Variants in DLGAP1 observed in about 807,000 individuals in gnomAD.
DLGAP1 encodes the protein disks large-associated protein 1.
In DLGAP1, 11 loss-of-function variants were observed where a neutral mutation model predicts 90.8. The ratio of observed to expected loss-of-function variants is 0.12; its 90% CI spans 0.08 to 0.20. The LOEUF (loss-of-function observed/expected upper bound fraction) is 0.20, where lower values mean the gene tolerates loss of function less well. Among genes scored for constraint, DLGAP1 ranks in the 10% least tolerant of loss-of-function variants. DLGAP1 has a pLI of 1.00. For synonymous variants in DLGAP1, 558 were observed against 540.7 expected (o/e 1.03, Z -0.44); for missense variants, 1,050 against 1,333.8 (o/e 0.79, Z 3.31).
Position 3,499,357 on chromosome 18 carries a change from G to C in DLGAP1, c.2762C>G (p.Ala921Gly). The stretch of plus-strand genomic sequence containing the variant: ...CCGGATCAGCGGCGCGGGGCCCTTC[G>C]CCGGCTTCTTTGGCACTGGAGGAGG... ...RAPPPVPKKP[A>G]KGPAPLIRER... The change falls in exon 13 of 13, where the codon GCG becomes GGG. Residue 921 changes from alanine (A) to glycine (G), a missense_variant. This residue lies in a region of DLGAP1 where 565 missense variants were observed against 879.7 expected (regional missense o/e 0.64). Transcript: ENST00000315677. The surrounding 1 kb of genome is among the most constrained non-coding windows in gnomAD (Gnocchi z 6.4). 1.3e-6 allele frequency: 2 copies of C among 1,552,508 alleles called. No homozygotes were observed. Among genetic ancestry groups the C allele is most frequent in the Non-Finnish European group, 8.7e-7 (1 of 1,148,672 alleles).
chr18:4,361,626 T>A (rs1236065830), intron 1 of DLGAP1, among the ~76,000 whole-genome samples: 3 of 152,168 alleles, frequency 2.0e-5, no homozygotes, highest in South Asian at 4.1e-4. Context: ...AAGATGTAAA[T>A]GTAAGATCTA....
At chr18:4,258,389 A>T (rs2078939240) in intron 1 of DLGAP1, among the ~76,000 whole-genome samples, 1 of 152,132 alleles carries the variant, frequency 6.6e-6, no homozygotes, top group African/African-American at 2.4e-5. Flanking sequence ...CCTCTTGATG[A>T]ATGCCCATTC....
In DLGAP1 at chr18:3,502,243, T is replaced by C; in HGVS notation, c.2724+250A>G. On this transcript the variant is annotated intron_variant, in intron 12 of 12. Coordinates refer to ENST00000315677, the MANE Select transcript of DLGAP1 (RefSeq NM_004746.4). ...TAAAATGGTTTAACTTAAAGTTTAATTAACAAAAAAAGCCACATTCCCATT... is the reference window on the plus strand; with the variant it reads ...TAAAATGGTTTAACTTAAAGTTTAACTAACAAAAAAAGCCACATTCCCATT... 5 of 1,356,358 alleles carry C rather than the reference T, an allele frequency of 3.7e-6. No individual in the cohort carries two copies. In the East Asian group the frequency reaches 1.4e-4, roughly 38 times the overall value. The allele number at this position is 1,356,358 out of a possible 1,614,324, so 84.0% of individuals were successfully genotyped here.
intron 2 of DLGAP1, among the ~76,000 whole-genome samples, chr18:4,057,679 T>TC (rs1568373184): frequency 2.0e-5 from 3 of 152,208 alleles, no homozygotes; most frequent in African/African-American, 7.2e-5. Context: ...GTCTCTCTCT[T>TC]TCTCTCTCTG....
Position 3,857,384 on chromosome 18 carries a change from T to C in DLGAP1, c.957+21728A>G, listed in dbSNP as rs564828505. Among the ~76,000 whole-genome samples the C allele has an allele frequency of 2.0e-5, 3 of 152,312 alleles. No individual in the cohort carries two copies. In the South Asian group the frequency reaches 6.2e-4, roughly 32 times the overall value. ...ATATTCTAGCCATGGTGTATTTACA[T>C]ACTATAATAACAATACATATTTTCA... On this transcript the variant is annotated intron_variant, in intron 4 of 12. Coordinates refer to ENST00000315677, the MANE Select transcript of DLGAP1 (RefSeq NM_004746.4).
intron 7 of DLGAP1, among the ~76,000 whole-genome samples, chr18:3,633,714 T>C (rs2146213276): frequency 6.6e-6 from 1 of 152,356 alleles, no homozygotes; most frequent in East Asian, 1.9e-4. Context: ...CTAAAAGCTA[T>C]AGATACTTTT....
chr18:3,574,908 G>A (rs1168395206), intron 8 of DLGAP1, among the ~76,000 whole-genome samples: 3 of 150,786 alleles, frequency 2.0e-5, no homozygotes, highest in East Asian at 2.0e-4. Flanking sequence ...TCCACCTCCC[G>A]GGTTCACGCC....
chr18:4,265,106 C>A (rs957012018), intron 1 of DLGAP1, among the ~76,000 whole-genome samples: 2 of 122,126 alleles, frequency 1.6e-5, no homozygotes, highest in Non-Finnish European at 3.7e-5. Flanking sequence ...TGTAATTTTT[C>A]CTTCCTTCCT....
At chr18:4,055,397 G>T (rs1164736372) in intron 2 of DLGAP1, among the ~76,000 whole-genome samples, 4 of 152,218 alleles carry the variant, frequency 2.6e-5, no homozygotes, top group African/African-American at 9.6e-5. Context: ...GATAAGCACA[G>T]AACCTGATAG....
intron 1 of DLGAP1, among the ~76,000 whole-genome samples, chr18:4,373,985 A>G (rs1446981097): frequency 1.3e-5 from 2 of 152,232 alleles, no homozygotes; most frequent in East Asian, 1.9e-4. Context: ...ATTTAACAAT[A>G]TAATTCAAGG....
chr18:4,111,832 T>A (rs1007566749), intron 2 of DLGAP1, among the ~76,000 whole-genome samples: 2 of 151,952 alleles, frequency 1.3e-5, no homozygotes, highest in African/African-American at 4.8e-5. Flanking sequence ...ATCTTTCTTC[T>A]TTCGGTCAGT....
At chr18:4,041,603 A>G (rs1568365668) in intron 2 of DLGAP1, among the ~76,000 whole-genome samples, 3 of 152,208 alleles carry the variant, frequency 2.0e-5, no homozygotes, top group African/African-American at 4.8e-5. Flanking sequence ...AACCAAAGCA[A>G]AGAATAAGGA....
chr18:3,802,969 T>A (rs2148343045), intron 5 of DLGAP1, among the ~76,000 whole-genome samples: 1 of 152,340 alleles, frequency 6.6e-6, no homozygotes, highest in East Asian at 1.9e-4. Context: ...GATTTTTTAT[T>A]CATTCTCTCT....
At chr18:4,078,277 C>G (rs991689483) in intron 2 of DLGAP1, among the ~76,000 whole-genome samples, 4 of 152,166 alleles carry the variant, frequency 2.6e-5, no homozygotes, top group Admixed American at 2.6e-4. Flanking sequence ...ATAACTGAGA[C>G]AGGCAGGACC....
chr18:3,904,585 T>C (rs558908592), intron 3 of DLGAP1, among the ~76,000 whole-genome samples: 29 of 152,248 alleles, frequency 1.9e-4, no homozygotes, highest in African/African-American at 7.0e-4. Context: ...ATTTGGTGGG[T>C]TTTTAGTGAT....
At chr18:3,876,776 G>T (rs148967036) in intron 4 of DLGAP1, among the ~76,000 whole-genome samples, 1 of 152,166 alleles carries the variant, frequency 6.6e-6, no homozygotes, top group African/African-American at 2.4e-5. Context: ...ATGACTTAAA[G>T]AAGGCAAATA....
intron 7 of DLGAP1, among the ~76,000 whole-genome samples, chr18:3,649,379 C>T (rs1057504296): frequency 2.6e-5 from 4 of 152,198 alleles, no homozygotes; most frequent in African/African-American, 9.6e-5. Context: ...GGAGTCGCTT[C>T]CCTCTAAGGA....
chr18:4,264,526 C>A (rs1284553750), intron 1 of DLGAP1: 1 of 152,368 alleles, frequency 6.6e-6, no homozygotes, highest in East Asian at 1.9e-4. Context: ...TACACTCTAC[C>A]TCTGCCTCAC....
At chr18:4,276,067 C>T (rs1006911649) in intron 1 of DLGAP1, among the ~76,000 whole-genome samples, 25 of 141,160 alleles carry the variant, frequency 1.8e-4, no homozygotes, top group African/African-American at 5.9e-4. Flanking sequence ...AGGGTTCAGC[C>T]GGAAAAGACC....
Sources: allele counts gnomAD v4.1 joint callset (sites outside exome capture counted in the v4.1 genomes callset), GRCh38; gene constraint gnomAD v4.1.1; regional missense constraint gnomAD v4.1.1; non-coding constraint Gnocchi (gnomAD v3.1); transcripts MANE v1.5; gene names NCBI Gene and HGNC (gene_info 2026-07-23, HGNC 2026-07-21).